Variants in TMEM230 observed in about 807,000 individuals in gnomAD.
TMEM230 encodes the protein transmembrane protein 230, also known as UPF0414 transmembrane protein C20orf30.
Under a neutral mutation model 15.8 loss-of-function variants are expected in TMEM230, and 10 were observed. The ratio of observed to expected loss-of-function variants is 0.63; its 90% CI spans 0.39 to 1.07. The LOEUF is 1.07. Among genes scored for constraint, TMEM230 ranks in the 50% least tolerant of loss-of-function variants. TMEM230 has a pLI of 0.01. For synonymous variants in TMEM230, 67 were observed against 76.9 expected (o/e 0.87, Z 0.68); for missense variants, 165 against 193.3 (o/e 0.85, Z 0.87).
intron 1 of TMEM230, 32 bp downstream of exon 1, chr20:5,112,929 T>G: frequency 1.9e-6 from 3 of 1,549,508 alleles, no homozygotes; most frequent in Non-Finnish European, 2.6e-6. Flanking sequence ...AGAGGACGGT[T>G]CTGTCCCCGC....
intron 1 of TMEM230, 165 bp downstream of exon 1, chr20:5,112,796 T>G: frequency 6.7e-7 from 1 of 1,500,806 alleles, no homozygotes; most frequent in Non-Finnish European, 8.9e-7. Flanking sequence ...AATTTAGACG[T>G]AAAACAAACA....
intron 3 of TMEM230, among the ~76,000 whole-genome samples, chr20:5,079,015 A>G (rs561099571): frequency 6.6e-5 from 10 of 152,302 alleles, no homozygotes; most frequent in African/African-American, 2.2e-4. Flanking sequence ...TTCTCTGGTG[A>G]TTTTAATTGC....
At chr20:5,098,227 G>A (rs1201475090), downstream of TMEM230, among the ~76,000 whole-genome samples, 3 of 151,942 alleles carry the variant, frequency 2.0e-5, no homozygotes, top group Admixed American at 6.6e-5. Flanking sequence ...CGCCCGCCTC[G>A]GGCTCCCAAA....
intron 3 of TMEM230, among the ~76,000 whole-genome samples, chr20:5,086,422 C>T (rs2089337840): frequency 6.6e-6 from 1 of 151,052 alleles, no homozygotes; most frequent in Non-Finnish European, 1.5e-5. Flanking sequence ...GCCTGTAGTC[C>T]CAGCTGCTTG....
At chr20:5,086,625 T>G (rs1023721402) in intron 3 of TMEM230, among the ~76,000 whole-genome samples, 3 of 151,280 alleles carry the variant, frequency 2.0e-5, no homozygotes, top group African/African-American at 7.3e-5. Context: ...AAGAATACAA[T>G]GACAGATTGT....
rs71197748 is a variant in TMEM230 at position 5,083,285 on chromosome 20, ATTTTTTTTTTTTTT to A, written c.223-13950_223-13937del. Among the ~76,000 whole-genome samples, 44 of 119,938 alleles carry A rather than the reference ATTTTTTTTTTTTTT, an allele frequency of 3.7e-4. 1 individual carries two copies. Among genetic ancestry groups the A allele is most frequent in the African/African-American group, 1.4e-3 (44 of 30,478 alleles). 78.7% of individuals were successfully genotyped at this position (119,938 alleles called of 152,430 possible). ...CATCTTTTTGAAGTTGGTTAGGGAGATTTTTTTTTTTTTTTTTTTTTTTTTAGGAGCAGAGGTTT... is the reference window on the plus strand; with the variant it reads ...CATCTTTTTGAAGTTGGTTAGGGAGATTTTTTTTTTTAGGAGCAGAGGTTT... On this transcript the variant is annotated intron_variant, in intron 3 of 3. Coordinates refer to the TMEM230 transcript ENST00000612323.
chr20:5,064,383 C>T (rs545969098), downstream of TMEM230, among the ~76,000 whole-genome samples: 1 of 152,094 alleles, frequency 6.6e-6, no homozygotes, highest in Non-Finnish European at 1.5e-5. Context: ...TCAAGACCAG[C>T]CTGACCAACA....
intron 3 of TMEM230, among the ~76,000 whole-genome samples, chr20:5,107,954 A>G (rs2090160058): frequency 6.6e-6 from 1 of 152,076 alleles, no homozygotes; most frequent in Middle Eastern, 3.4e-3. Context: ...TATACTAAAA[A>G]TACGAAAATT....
chr20:5,064,687 A>T (rs541949999), downstream of TMEM230, among the ~76,000 whole-genome samples: 2 of 152,350 alleles, frequency 1.3e-5, no homozygotes, highest in East Asian at 3.9e-4. Context: ...CTAAAGATGA[A>T]AACAAAAATA....
chr20:5,059,448 A>G, the TMEM230 span, among the ~76,000 whole-genome samples: 150 of 152,274 alleles, frequency 9.9e-4, no homozygotes, highest in African/African-American at 3.5e-3. Flanking sequence ...TGTAAGGTTT[A>G]AAAAATAACT....
chr20:5,108,838 G>T (rs2090196772), intron 3 of TMEM230, among the ~76,000 whole-genome samples: 1 of 152,052 alleles, frequency 6.6e-6, no homozygotes, highest in Non-Finnish European at 1.5e-5. Flanking sequence ...TTATCACAAA[G>T]AATACCTTTA....
chr20:5,072,705 C>T (rs951438299), intron 3 of TMEM230, among the ~76,000 whole-genome samples: 1 of 151,690 alleles, frequency 6.6e-6, no homozygotes. Context: ...AAAAATTAGA[C>T]TTGCGTGATG....
chr20:5,082,451 GTTTGT>G (rs950331680), intron 3 of TMEM230, among the ~76,000 whole-genome samples: 13 of 150,584 alleles, frequency 8.6e-5, no homozygotes, highest in African/African-American at 3.2e-4. Context: ...CATAGTTTTT[GTTTGT>G]TTTGAGACAG....
Position 5,106,191 on chromosome 20 carries a change from T to C in TMEM230, c.408A>G (p.Lys136=). Residue 136 remains lysine (K), a synonymous_variant, in exon 4 of 5, where the codon AAA becomes AAG. Coordinates refer to ENST00000342308, the MANE Select transcript of TMEM230 (RefSeq NM_001009923.2). ...TCCCACATGCCCGTCAGCTTACCCC[T>C]TTGCTGATGTAGCCTGACAGCAGGA... is the stretch of plus-strand genomic sequence containing the variant. 6.2e-7 allele frequency: 1 copy of C among 1,607,962 alleles called. No individual in the cohort carries two copies. The highest frequency in any genetic ancestry group is 8.5e-7 in the Non-Finnish European group (1 of 1,178,418).
At position 5,081,864 on chromosome 20, in the gene TMEM230, C is replaced by CTTTTTT. The variant is rs770805896; in HGVS notation, c.223-12521_223-12516dup. 8.0e-4 allele frequency among the ~76,000 whole-genome samples: 112 copies of CTTTTTT among 140,342 alleles called. 10 individuals are homozygous for CTTTTTT. Among genetic ancestry groups the CTTTTTT allele is most frequent in the African/African-American group, 3.0e-3 (102 of 33,822 alleles). 92.1% of individuals were successfully genotyped at this position (140,342 alleles called of 152,430 possible). ...CTCATGTTTGAAATTCACTGATTTTCTTTTTTTTCTTTTTTTTTTTTTTTT... is the reference window on the plus strand; with the variant it reads ...CTCATGTTTGAAATTCACTGATTTTCTTTTTTTTTTTTTTCTTTTTTTTTTTTTTTT... On this transcript the variant is annotated intron_variant, in intron 3 of 3. Coordinates refer to the TMEM230 transcript ENST00000612323.
At chr20:5,064,727 AT>A (rs563130898), downstream of TMEM230, among the ~76,000 whole-genome samples, 706 of 152,330 alleles carry the variant, frequency 4.6e-3, 4 homozygotes, top group Middle Eastern at 0.014. Context: ...TCAATAATAA[AT>A]TTTATCAAAC....
At chr20:5,099,234 ATCAATCAATCAATAAT>A (rs1028249952), downstream of TMEM230, among the ~76,000 whole-genome samples, 5 of 63,778 alleles carry the variant, frequency 7.8e-5, no homozygotes, top group African/African-American at 1.8e-4. Flanking sequence ...AAATAAATAA[ATCAATCAATCAATAAT>A]AAATAAAAAA....
At chr20:5,073,751 T>C (rs912911574) in intron 3 of TMEM230, among the ~76,000 whole-genome samples, 2 of 152,192 alleles carry the variant, frequency 1.3e-5, no homozygotes, top group Admixed American at 1.3e-4. Flanking sequence ...CCCCAAAATA[T>C]GCCACATTGG....
At chr20:5,103,182 A>AG (rs1039678402) in intron 4 of TMEM230, among the ~76,000 whole-genome samples, 1 of 152,158 alleles carries the variant, frequency 6.6e-6, no homozygotes, top group Non-Finnish European at 1.5e-5. Context: ...ACATAGTCAG[A>AG]GGGGTGCAGT....
Sources: gnomAD v4.1 joint callset for allele counts (sites outside exome capture counted in the v4.1 genomes callset) on GRCh38, gnomAD v4.1.1 for gene constraint, MANE v1.5 for transcripts, NCBI Gene and HGNC (gene_info 2026-07-23, HGNC 2026-07-21) for gene names.